The following MYO5A variants were observed in gnomAD, a reference collection of about 807,000 sequenced individuals.
MYO5A encodes the protein myosin VA.
Under a neutral mutation model 249.7 loss-of-function variants are expected in MYO5A, and 98 were observed. The observed-to-expected ratio is 0.39, with a 90% confidence interval of 0.33 to 0.46. The LOEUF (loss-of-function observed/expected upper bound fraction) is 0.46. MYO5A is among the 20% of genes least tolerant of loss of function. The pLI, the probability that MYO5A is intolerant of heterozygous loss-of-function variation, is 0.98. For synonymous variants in MYO5A, 778 were observed against 810.6 expected, an observed-to-expected ratio of 0.96 and a Z score of 0.68; for missense variants, 1,696 against 2,308.8, an observed-to-expected ratio of 0.73 and a Z score of 5.44.
intron 22 of MYO5A, among the ~76,000 whole-genome samples, chr15:52,369,529 G>T (rs938258338): frequency 6.6e-6 from 1 of 152,108 alleles, no homozygotes; most frequent in Non-Finnish European, 1.5e-5. Flanking sequence ...GCATTTTGTG[G>T]GGAGGGTTCC....
chr15:52,395,738 G>C (rs1385084056), intron 11 of MYO5A, among the ~76,000 whole-genome samples: 2 of 152,032 alleles, frequency 1.3e-5, no homozygotes, highest in Middle Eastern at 3.2e-3. Flanking sequence ...TCACCTCTGG[G>C]CTCTGTGTCC....
In MYO5A at chr15:52,372,390, T is replaced by C. The variant is rs780699702; in HGVS notation, c.2578-27A>G. 3.8e-6 allele frequency: 6 copies of C among 1,598,688 alleles called. No individual in the cohort carries two copies. In the African/African-American group the frequency reaches 8.0e-5, roughly 21 times the overall value. ...TGCAGAAAAGGATAAGGGCAAGCAA[T>C]GTCAAGACCCTGGACTACACTCATG... On this transcript the variant is annotated intron_variant, in intron 20 of 41. Transcript: ENST00000399233.
rs974415368 is a variant in MYO5A, at chr15:52,391,832, T to G, written c.1542+98A>C. On this transcript the variant is annotated intron_variant, in intron 12 of 41. Coordinates refer to ENST00000399233, the MANE Select transcript of MYO5A (RefSeq NM_001382347.1). ...CCCCTACTTGTCACCACGACGGCATTCCATGATATACTAATGAATCTCTCC... is the reference window on the plus strand; with the variant it reads ...CCCCTACTTGTCACCACGACGGCATGCCATGATATACTAATGAATCTCTCC... The G allele has an allele frequency of 7.7e-5, 99 of 1,287,972 alleles. 3 individuals are homozygous for G. The South Asian group carries it at 1.2e-3, about 15-fold the overall frequency. 79.8% of individuals were successfully genotyped at this position (1,287,972 alleles called of 1,614,324 possible).
At position 52,309,237 on chromosome 15, in the gene MYO5A, A is replaced by C. The variant is rs974099283; in HGVS notation, c.*4459T>G. The C allele has an allele frequency of 3.9e-5, 6 of 152,178 alleles. No homozygotes were observed. The highest frequency in any genetic ancestry group is 1.5e-4 in the African/African-American group (6 of 41,374). The allele number at this position is 152,178 out of a possible 1,614,324, so 9.4% of individuals were successfully genotyped here. ...GACAACCTGCTACCAATTAATGCCC[A>C]AACAGAGTATTGCATCCTCCCAGAG... On this transcript the variant is annotated 3_prime_UTR_variant, in exon 42 of 42. Transcript: ENST00000399233.
At chr15:52,473,743 T>C (rs1000025403) in intron 1 of MYO5A, among the ~76,000 whole-genome samples, 3 of 152,190 alleles carry the variant, frequency 2.0e-5, no homozygotes, top group African/African-American at 7.2e-5. Flanking sequence ...TCTGTTCCAT[T>C]GGTCTATATC....
chr15:52,472,191 G>A (rs1024717678), intron 1 of MYO5A, among the ~76,000 whole-genome samples: 2 of 151,570 alleles, frequency 1.3e-5, no homozygotes, highest in Admixed American at 6.6e-5. Context: ...CCATTCTTCT[G>A]CCTCAGCCGC....
At chr15:52,402,298 C>A (rs1182819222) in intron 9 of MYO5A, among the ~76,000 whole-genome samples, 2 of 152,128 alleles carry the variant, frequency 1.3e-5, no homozygotes, top group African/African-American at 2.4e-5. Flanking sequence ...CTACTTGGCA[C>A]CAAAGTGTGG....
At chr15:52,356,740 T>C (rs978673609) in intron 25 of MYO5A, among the ~76,000 whole-genome samples, 3 of 142,106 alleles carry the variant, frequency 2.1e-5, no homozygotes, top group Admixed American at 6.7e-5. Context: ...AAAAAAAAAT[T>C]AGCTCAGTTA....
intron 9 of MYO5A, among the ~76,000 whole-genome samples, 199 bp downstream of exon 9, chr15:52,405,088 C>A (rs961262512): frequency 8.4e-5 from 12 of 142,180 alleles, no homozygotes; most frequent in Non-Finnish European, 1.7e-4. Context: ...CACACACACA[C>A]AATCACTATG....
chr15:52,369,187 T>C (rs1251101600), intron 22 of MYO5A, among the ~76,000 whole-genome samples: 1 of 152,158 alleles, frequency 6.6e-6, no homozygotes, highest in Admixed American at 6.5e-5. Context: ...AGCCACCCTA[T>C]CCTAACCGAC....
chr15:52,518,400 CT>C (rs2077540580), intron 1 of MYO5A, among the ~76,000 whole-genome samples: 1 of 151,938 alleles, frequency 6.6e-6, no homozygotes, highest in Admixed American at 6.6e-5. Flanking sequence ...CTCTAAGGGG[CT>C]TAACATTTTC....
chr15:52,370,234 G>C lies in MYO5A; in HGVS notation c.3001C>G (p.Gln1001Glu). 6.2e-7 allele frequency: 1 copy of C among 1,614,090 alleles called. No individual in the cohort carries two copies. Among genetic ancestry groups the C allele is most frequent in the Non-Finnish European group, 8.5e-7 (1 of 1,179,994 alleles). Reference protein sequence around the residue: ...EIAKLRKDLEQTRSEKKCIEE... With the variant: ...EIAKLRKDLEETRSEKKCIEE... Reference sequence around the variant, plus strand: ...ATGCATTTTTTCTCTGAACGAGTTTGCTCCAGGTCTTTCCGGAGCTTGGCA... The same window carrying C: ...ATGCATTTTTTCTCTGAACGAGTTTCCTCCAGGTCTTTCCGGAGCTTGGCA... Residue 1001 changes from glutamine to glutamate, a missense_variant, in exon 22 of 42, where the codon CAA (glutamine) becomes GAA (glutamate). Physicochemically the swap from Gln to Glu is conservative, Grantham distance 29. This residue lies in a region of MYO5A where 412 missense variants were observed against 453.3 expected (regional missense o/e 0.91). Coordinates refer to ENST00000399233, the MANE Select transcript of MYO5A (RefSeq NM_001382347.1).
At chr15:52,480,523 G>A (rs1465997526) in intron 1 of MYO5A, among the ~76,000 whole-genome samples, 1 of 152,186 alleles carries the variant, frequency 6.6e-6, no homozygotes, top group African/African-American at 2.4e-5. Context: ...AGGATGTCCT[G>A]ATCCCCGATC....
At chr15:52,509,154 T>C (rs2077338778) in intron 1 of MYO5A, among the ~76,000 whole-genome samples, 1 of 152,140 alleles carries the variant, frequency 6.6e-6, no homozygotes, top group South Asian at 2.1e-4. Context: ...TAATTTTTTG[T>C]AGAGACGGAG....
At chr15:52,344,205 G>A (rs747844071) in intron 30 of MYO5A, among the ~76,000 whole-genome samples, 1 of 151,930 alleles carries the variant, frequency 6.6e-6, no homozygotes. Context: ...CTATTTACAC[G>A]GTTTCCATTG....
chr15:52,517,912 T>C (rs896632301), intron 1 of MYO5A, among the ~76,000 whole-genome samples: 4 of 152,112 alleles, frequency 2.6e-5, no homozygotes, highest in African/African-American at 9.7e-5. Flanking sequence ...TTCCCTTATA[T>C]GTTCTGTATT....
At chr15:52,374,063 T>C (rs1298891111) in intron 20 of MYO5A, among the ~76,000 whole-genome samples, 2 of 152,206 alleles carry the variant, frequency 1.3e-5, no homozygotes, top group South Asian at 2.1e-4. Flanking sequence ...CTAATGGTGA[T>C]GTCCATAGAG....
At chr15:52,423,881 A>G (rs2075339936) in intron 4 of MYO5A, among the ~76,000 whole-genome samples, 1 of 152,254 alleles carries the variant, frequency 6.6e-6, no homozygotes, top group Non-Finnish European at 1.5e-5. Flanking sequence ...AAATATTCAT[A>G]TAAACCTAAT....
chr15:52,462,224 C>T (rs1319624024), intron 1 of MYO5A, among the ~76,000 whole-genome samples: 1 of 151,280 alleles, frequency 6.6e-6, no homozygotes, highest in Non-Finnish European at 1.5e-5. Context: ...CGAGATTGTG[C>T]CACTGCACTC....
Sources: gnomAD v4.1 joint callset for allele counts (sites outside exome capture counted in the v4.1 genomes callset) on GRCh38, gnomAD v4.1.1 for gene constraint, gnomAD v4.1.1 regional missense constraint, MANE v1.5 for transcripts, NCBI Gene and HGNC (gene_info 2026-07-23, HGNC 2026-07-21) for gene names.